BAZ2B: variants seen among roughly 807,000 people sequenced by gnomAD.
BAZ2B encodes the protein bromodomain adjacent to zinc finger domain 2B, also known as bromodomain adjacent to zinc finger domain protein 2B.
Under a neutral mutation model 246.0 loss-of-function variants are expected in BAZ2B, and 91 were observed. The ratio of observed to expected loss-of-function variants is 0.37; its 90% CI spans 0.31 to 0.44. The LOEUF (loss-of-function observed/expected upper bound fraction) is 0.44. Among genes scored for constraint, BAZ2B ranks in the 20% least tolerant of loss-of-function variants. BAZ2B has a pLI of 1.00. For synonymous variants in BAZ2B, 855 were observed against 860.0 expected, an observed-to-expected ratio of 0.99 and a Z score of 0.10; for missense variants, 2,332 against 2,533.7, an observed-to-expected ratio of 0.92 and a Z score of 1.71.
intron 3 of BAZ2B, among the ~76,000 whole-genome samples, chr2:159,467,866 G>A (rs2077275860): frequency 6.6e-6 from 1 of 152,132 alleles, no homozygotes; most frequent in African/African-American, 2.4e-5. Context: ...GTAGCTTTCT[G>A]GTCTGCTGCC....
chr2:159,377,812 CA>C (rs35570732), intron 25 of BAZ2B, among the ~76,000 whole-genome samples: 55,793 of 94,148 alleles, frequency 0.59, 14,044 homozygotes, highest in Middle Eastern at 0.71. Context: ...ACTCTGTCTC[CA>C]AAAAAAAAAA....
chr2:159,661,648 A>G, the BAZ2B span, among the ~76,000 whole-genome samples: 1 of 152,192 alleles, frequency 6.6e-6, no homozygotes, highest in East Asian at 1.9e-4. Flanking sequence ...ATGTGTAGTG[A>G]TATCTCAATG....
chr2:159,325,506 T>G, intron 35 of BAZ2B, 147 bp downstream of exon 35: 1 of 855,914 alleles, frequency 1.2e-6, no homozygotes, highest in South Asian at 1.8e-5. Context: ...TTACTATACT[T>G]TTACTTATAT....
chr2:159,659,648 C>T, the BAZ2B span, among the ~76,000 whole-genome samples: 16 of 152,168 alleles, frequency 1.1e-4, no homozygotes, highest in African/African-American at 3.9e-4. Context: ...GGTAAAACTA[C>T]CATTCTTGTC....
At chr2:159,531,731 T>G (rs1292114753) in intron 2 of BAZ2B, among the ~76,000 whole-genome samples, 2 of 152,170 alleles carry the variant, frequency 1.3e-5, no homozygotes, top group African/African-American at 4.8e-5. Flanking sequence ...CCAACCATTC[T>G]GCAAGCCTGC....
intron 3 of BAZ2B, among the ~76,000 whole-genome samples, chr2:159,470,849 A>G (rs915287981): frequency 6.6e-6 from 1 of 152,150 alleles, no homozygotes; most frequent in Non-Finnish European, 1.5e-5. Flanking sequence ...TAAATTTGTT[A>G]AGTTTGAGAT....
Position 159,373,140 on chromosome 2 carries a change from C to G in BAZ2B, c.4118G>C (p.Arg1373Pro), listed in dbSNP as rs745392195. 1 of 1,614,018 alleles carries G rather than the reference C, an allele frequency of 6.2e-7. No homozygotes were observed. The highest frequency in any genetic ancestry group is 1.1e-5 in the South Asian group (1 of 91,078). Residue 1373 changes from arginine (R) to proline (P), a missense_variant, in exon 27 of 37, where the codon CGT (arginine) becomes CCT (proline). This residue lies in a region of BAZ2B where 676 missense variants were observed against 668.6 expected (regional missense o/e 1.01). Coordinates refer to ENST00000392783, the MANE Select transcript of BAZ2B (RefSeq NM_013450.4). ...RKLFDASHSL[R>P]SVMFGQDRYR... ...ACGATCTTGGCCAAACATCACTGAACGCAATGAGTGAGACGCATCAAAGAG... is the reference window on the plus strand; with the variant it reads ...ACGATCTTGGCCAAACATCACTGAAGGCAATGAGTGAGACGCATCAAAGAG...
intron 25 of BAZ2B, among the ~76,000 whole-genome samples, chr2:159,381,094 G>A (rs1237420268): frequency 6.6e-6 from 1 of 152,082 alleles, no homozygotes; most frequent in Non-Finnish European, 1.5e-5. Flanking sequence ...ATTAAATACT[G>A]ATGTTCCCTG....
At chr2:159,463,074 C>A (rs2076605884) in intron 3 of BAZ2B, 2 of 717,250 alleles carry the variant, frequency 2.8e-6, no homozygotes, top group South Asian at 1.6e-5. Flanking sequence ...CGGGTGTGAA[C>A]TGATCCATGT....
chr2:159,525,128 C>T (rs749447744), intron 2 of BAZ2B, among the ~76,000 whole-genome samples: 9 of 151,890 alleles, frequency 5.9e-5, no homozygotes, highest in African/African-American at 1.2e-4. Flanking sequence ...AAAAGGTTTA[C>T]GAAAAAATGA....
In BAZ2B at chr2:159,453,749, C is replaced by T. The variant is rs758532911; in HGVS notation, c.198G>A (p.Ser66=). 9 of 1,612,708 alleles carry T rather than the reference C, an allele frequency of 5.6e-6. No homozygotes were observed. Among genetic ancestry groups the T allele is most frequent in the African/African-American group, 2.7e-5 (2 of 74,734 alleles). The change falls in exon 4 of 37, where the codon TCG becomes TCA. Residue 66 remains serine (S), a synonymous_variant. Transcript: ENST00000392783. ...GGTGGCTGACCATTGGGAAGGCACT[C>T]GACACTGTGGACAGGTTAAACGGTT... ...GDQPFNLSTV[S]SAFPMVSHPV... is the part of the protein sequence containing the mutation.
At chr2:159,670,056 C>T in the BAZ2B span, among the ~76,000 whole-genome samples, 2 of 151,922 alleles carry the variant, frequency 1.3e-5, no homozygotes, top group Admixed American at 6.6e-5. Context: ...CTGCAACCTC[C>T]GCCTCCCGGG....
intron 20 of BAZ2B, among the ~76,000 whole-genome samples, chr2:159,390,818 C>T (rs1344546405): frequency 6.6e-6 from 1 of 152,068 alleles, no homozygotes; most frequent in Non-Finnish European, 1.5e-5. Context: ...TTTTATACTG[C>T]CTCTGAATTT....
intron 1 of BAZ2B, among the ~76,000 whole-genome samples, chr2:159,592,820 A>G (rs576356115): frequency 6.6e-6 from 1 of 152,292 alleles, no homozygotes; most frequent in African/African-American, 2.4e-5. Flanking sequence ...CACCTAACTA[A>G]GCCACTACGA....
intron 2 of BAZ2B, among the ~76,000 whole-genome samples, chr2:159,523,561 G>A (rs765829323): frequency 3.3e-5 from 5 of 151,478 alleles, no homozygotes; most frequent in South Asian, 4.2e-4. Context: ...AAAATTAGCC[G>A]GGCATGGTGG....
At chr2:159,469,800 T>A (rs1437790947) in intron 3 of BAZ2B, among the ~76,000 whole-genome samples, 1 of 151,924 alleles carries the variant, frequency 6.6e-6, no homozygotes, top group Non-Finnish European at 1.5e-5. Context: ...CAACAACAAC[T>A]TAAACAAACA....
Position 159,404,809 on chromosome 2 carries a change from G to A in BAZ2B, c.2832+40C>T, listed in dbSNP as rs373257783. 114 of 1,523,064 alleles carry A rather than the reference G, an allele frequency of 7.5e-5. No individual in the cohort carries two copies. In the African/African-American group the frequency reaches 1.5e-3, roughly 20 times the overall value. 94.3% of individuals were successfully genotyped at this position (1,523,064 alleles called of 1,614,324 possible). ...CATTACTAACAAATCCTCAAAATAA[G>A]TCCCATATTTTAAAAGTCACTTCCA... On this transcript the variant is annotated intron_variant, in intron 16 of 36. Transcript: ENST00000392783.
intron 2 of BAZ2B, among the ~76,000 whole-genome samples, chr2:159,495,290 C>T (rs1387326694): frequency 6.6e-6 from 1 of 150,806 alleles, no homozygotes; most frequent in African/African-American, 2.4e-5. Flanking sequence ...TCGAGACCAT[C>T]CCGGCTAAAA....
At chr2:159,664,964 C>T in the BAZ2B span, among the ~76,000 whole-genome samples, 1 of 151,508 alleles carries the variant, frequency 6.6e-6, no homozygotes, top group South Asian at 2.1e-4. Flanking sequence ...ATCGTCTCAG[C>T]CCAAAATCTC....
Sources: allele counts gnomAD v4.1 joint callset (sites outside exome capture counted in the v4.1 genomes callset), GRCh38; gene constraint gnomAD v4.1.1; regional missense constraint gnomAD v4.1.1; transcripts MANE v1.5; gene names NCBI Gene and HGNC (gene_info 2026-07-23, HGNC 2026-07-21).